The following ARHGEF12 variants were observed in gnomAD, a reference collection of about 807,000 sequenced individuals.
ARHGEF12 encodes KMT2A/ARHGEF12 fusion protein.
ARHGEF12 carries 66 observed loss-of-function variants against 211.2 expected under a neutral mutation model. That is an observed-to-expected ratio of 0.31 (90% CI 0.26 to 0.38). ARHGEF12 has a LOEUF of 0.38. Ranked by LOEUF, ARHGEF12 falls within the 10% of genes least tolerant of loss-of-function variation. The pLI is 1.00. For missense variants in ARHGEF12, 1,429 were observed against 1,869.5 expected (o/e 0.76, Z 4.34); for synonymous variants, 592 against 638.4 (o/e 0.93, Z 1.09).
intron 1 of ARHGEF12, among the ~76,000 whole-genome samples, chr11:120,358,812 A>G (rs962210127): frequency 1.3e-5 from 2 of 152,184 alleles, no homozygotes; most frequent in African/African-American, 4.8e-5. Context: ...TACTAAGATC[A>G]GAAATCGGTG....
Position 120,449,168 on chromosome 11 carries a change from C to T in ARHGEF12, c.1797C>T (p.Ser599=). 1 of 1,614,148 alleles carries T rather than the reference C, an allele frequency of 6.2e-7. No homozygotes were observed. Among genetic ancestry groups the T allele is most frequent in the Non-Finnish European group, 8.5e-7 (1 of 1,180,006 alleles). The change falls in exon 21 of 41, where the codon AGC becomes AGT. Residue 599 remains serine, a synonymous_variant. Transcript: ENST00000397843. ...EEKGKRRGFP[S]ILGPPRRPSR... ...AAGGGAAGCGAAGAGGATTCCCCAGCATCCTGGGACCCCCACGGAGACCAA... is the reference window on the plus strand; with the variant it reads ...AAGGGAAGCGAAGAGGATTCCCCAGTATCCTGGGACCCCCACGGAGACCAA...
chr11:120,449,496 C>G (rs149675911), intron 21 of ARHGEF12: 3 of 301,898 alleles, frequency 9.9e-6, no homozygotes, highest in African/African-American at 6.5e-5. Flanking sequence ...TTCAGGAGAT[C>G]GAGACCATCC....
At chr11:120,347,262 C>G (rs11217831) in intron 1 of ARHGEF12, among the ~76,000 whole-genome samples, 145 of 117,690 alleles carry the variant, frequency 1.2e-3, no homozygotes, top group African/African-American at 4.7e-3. Flanking sequence ...CTCTCTCTCT[C>G]TCTCTGTCTG....
chr11:120,413,704 A>T (rs1238283025), intron 4 of ARHGEF12, among the ~76,000 whole-genome samples: 2 of 152,220 alleles, frequency 1.3e-5, no homozygotes, highest in African/African-American at 2.4e-5. Context: ...CTCATAAAAC[A>T]TGTATGTCTG....
chr11:120,382,212 A>T lies in ARHGEF12; in HGVS notation c.33-23906A>T, dbSNP rs139112060. ...CCTTGTGTAAATACCTAAGAGTATG[A>T]TTGTAGGTCGTATGGTAACTCTGTG... On this transcript the variant is annotated intron_variant, in intron 1 of 40. Coordinates refer to ENST00000397843, the MANE Select transcript of ARHGEF12 (RefSeq NM_015313.3). Among the ~76,000 whole-genome samples the T allele has an allele frequency of 3.5e-4, 54 of 152,270 alleles. No individual in the cohort carries two copies. The East Asian group carries it at 8.3e-3, about 23-fold the overall frequency.
intron 2 of ARHGEF12, among the ~76,000 whole-genome samples, chr11:120,407,115 A>G (rs1944727947): frequency 6.6e-6 from 1 of 152,202 alleles, no homozygotes; most frequent in Non-Finnish European, 1.5e-5. Context: ...TTGGCATTTC[A>G]GTGAATATGT....
At chr11:120,423,255 T>C (rs1216565740) in intron 6 of ARHGEF12, among the ~76,000 whole-genome samples, 1 of 152,142 alleles carries the variant, frequency 6.6e-6, no homozygotes, top group Non-Finnish European at 1.5e-5. Flanking sequence ...ACACATTTAG[T>C]ATAGTTTGGG....
chr11:120,444,613 A>G (rs1945989449), intron 15 of ARHGEF12, among the ~76,000 whole-genome samples: 1 of 152,204 alleles, frequency 6.6e-6, no homozygotes, highest in Admixed American at 6.5e-5. Flanking sequence ...TTCAGATCTT[A>G]TAGGATGTGT....
chr11:120,450,120 C>T (rs1213289193), intron 21 of ARHGEF12: 1 of 152,184 alleles, frequency 6.6e-6, no homozygotes, highest in African/African-American at 2.4e-5. Context: ...ATTGTAATTC[C>T]AGCACTTTGC....
chr11:120,360,389 T>C (rs1398285705), intron 1 of ARHGEF12, among the ~76,000 whole-genome samples: 1 of 152,180 alleles, frequency 6.6e-6, no homozygotes, highest in Non-Finnish European at 1.5e-5. Context: ...TATTACTCTT[T>C]ATTATTTTAT....
intron 6 of ARHGEF12, among the ~76,000 whole-genome samples, chr11:120,423,851 G>A (rs893576024): frequency 6.6e-6 from 1 of 152,002 alleles, no homozygotes; most frequent in Non-Finnish European, 1.5e-5. Flanking sequence ...TGATTTGTTT[G>A]GTTTAATTCA....
At chr11:120,403,784 A>G (rs1375221100) in intron 1 of ARHGEF12, among the ~76,000 whole-genome samples, 1 of 152,240 alleles carries the variant, frequency 6.6e-6, no homozygotes, top group Admixed American at 6.5e-5. Context: ...GCTGTTCTAC[A>G]TAATATCGAT....
intron 4 of ARHGEF12, among the ~76,000 whole-genome samples, chr11:120,419,454 G>A (rs181671124): frequency 1.6e-4 from 20 of 121,842 alleles, no homozygotes; most frequent in Middle Eastern, 3.9e-3. Context: ...AGGTCTTGAC[G>A]ATTTCCTTTT....
Position 120,414,735 on chromosome 11 carries a change from T to C in ARHGEF12, c.199+5285T>C, listed in dbSNP as rs185883651. ...GTATTACTAGGACTAAGTCTTTTGT[T>C]TTTTTGAAAAACGTGTTTATTATTA... On this transcript the variant is annotated intron_variant, in intron 4 of 40. Transcript: ENST00000397843. Among the ~76,000 whole-genome samples, 85 of 152,288 alleles carry C rather than the reference T, an allele frequency of 5.6e-4. 1 individual carries two copies. The highest frequency in any genetic ancestry group is 1.1e-3 in the Non-Finnish European group (77 of 68,010).
chr11:120,373,951 G>T (rs1224493271), intron 1 of ARHGEF12, among the ~76,000 whole-genome samples: 1 of 152,130 alleles, frequency 6.6e-6, no homozygotes, highest in Non-Finnish European at 1.5e-5. Context: ...GGGATTACAG[G>T]CATGCACCAC....
intron 1 of ARHGEF12, among the ~76,000 whole-genome samples, chr11:120,395,130 G>A (rs923630388): frequency 4.0e-5 from 6 of 148,398 alleles, no homozygotes; most frequent in Non-Finnish European, 7.4e-5. Context: ...TAACAATTTA[G>A]ATGGAATGTG....
intron 1 of ARHGEF12, among the ~76,000 whole-genome samples, chr11:120,365,123 A>T (rs1040706147): frequency 2.0e-5 from 3 of 152,092 alleles, no homozygotes; most frequent in Non-Finnish European, 4.4e-5. Flanking sequence ...TTGTGAGATT[A>T]TAGATGAATT....
intron 1 of ARHGEF12, among the ~76,000 whole-genome samples, chr11:120,393,456 C>T (rs1027080605): frequency 8.6e-5 from 13 of 152,022 alleles, no homozygotes; most frequent in African/African-American, 2.4e-4. Context: ...TAAAAATACA[C>T]ATTGTTTAAA....
At position 120,441,835 on chromosome 11, in the gene ARHGEF12, C is replaced by A. The variant is rs756566158; in HGVS notation, c.1203+18C>A. The A allele has an allele frequency of 6.2e-7, 1 of 1,602,034 alleles. No homozygotes were observed. The highest frequency in any genetic ancestry group is 2.2e-5 in the East Asian group (1 of 44,790). On this transcript the variant is annotated intron_variant, in intron 14 of 40. Coordinates refer to ENST00000397843, the MANE Select transcript of ARHGEF12 (RefSeq NM_015313.3). ...CGACTTTGGTAATATATTTTACAAT[C>A]TAGCAGATTCAGAGTTCTTCTGTTG... is the stretch of plus-strand genomic sequence containing the variant.
Sources: allele counts gnomAD v4.1 joint callset (sites outside exome capture counted in the v4.1 genomes callset), GRCh38; gene constraint gnomAD v4.1.1; transcripts MANE v1.5; gene names NCBI Gene and HGNC (gene_info 2026-07-23, HGNC 2026-07-21).